The following EPHA10 variants were observed in gnomAD, a reference collection of about 807,000 sequenced individuals.
The protein encoded by EPHA10 is EPH receptor A10, also known as ephrin type-A receptor 10.
A neutral mutation model predicts 109.7 loss-of-function variants in EPHA10; 120 were observed. That is an observed-to-expected ratio of 1.09 (90% CI 0.94 to 1.27). The LOEUF (loss-of-function observed/expected upper bound fraction) is 1.27. Among genes scored for constraint, EPHA10 ranks in the 50% most tolerant of loss-of-function variants. The pLI, the probability that EPHA10 is intolerant of heterozygous loss-of-function variation, is 0.00. For missense variants in EPHA10, 1,396 were observed against 1,411.1 expected (o/e 0.99, Z 0.17); for synonymous variants, 640 against 618.9 (o/e 1.03, Z -0.51).
intron 5 of EPHA10, among the ~76,000 whole-genome samples, chr1:37,752,421 C>A (rs902335421): frequency 6.6e-6 from 1 of 152,046 alleles, no homozygotes; most frequent in East Asian, 1.9e-4. Flanking sequence ...CTTCCCGAGA[C>A]AGAGGGAAGG....
At chr1:37,722,904 G>T in intron 10 of EPHA10, 137 bp downstream of exon 10, 2 of 1,335,574 alleles carry the variant, frequency 1.5e-6, no homozygotes, top group East Asian at 2.3e-5. Flanking sequence ...TTGGTGTGGA[G>T]GCAGGGCTTC....
intron 5 of EPHA10, among the ~76,000 whole-genome samples, chr1:37,743,362 A>G (rs1236143288): frequency 6.6e-6 from 1 of 152,188 alleles, no homozygotes; most frequent in African/African-American, 2.4e-5. Flanking sequence ...AAACAGGTGG[A>G]GAAGAAAAAG....
At chr1:37,726,979 G>A in intron 8 of EPHA10, 123 bp downstream of exon 8, 1 of 665,314 alleles carries the variant, frequency 1.5e-6, no homozygotes. Context: ...CATTTGTACA[G>A]CAGTGTGCTT....
intron 5 of EPHA10, among the ~76,000 whole-genome samples, chr1:37,739,223 TAAA>T (rs746466604): frequency 9.9e-5 from 15 of 152,060 alleles, no homozygotes; most frequent in Non-Finnish European, 2.1e-4. Flanking sequence ...TATTAGTCCT[TAAA>T]AAGAAGAAAA....
chr1:37,741,387 G>A (rs1646150930), intron 5 of EPHA10, among the ~76,000 whole-genome samples: 2 of 152,186 alleles, frequency 1.3e-5, no homozygotes, highest in South Asian at 4.1e-4. Context: ...TAGTAATAAA[G>A]CAAGAAAGTG....
intron 6 of EPHA10, chr1:37,734,482 C>T (rs773299611): frequency 1.6e-5 from 6 of 370,566 alleles, no homozygotes; most frequent in South Asian, 8.7e-5. Flanking sequence ...TGCAGTGAGC[C>T]GAGATCATGT....
At position 37,757,817 on chromosome 1, in the gene EPHA10, A is replaced by G. The variant is rs74225609; in HGVS notation, c.851-3447T>C. ...AAAACAGACAAGGACCTTACTGTCC[A>G]TTTGTACAGATGCCCTCCCTCCCAC... On this transcript the variant is annotated intron_variant, in intron 3 of 16. Transcript: ENST00000373048. 2.6e-3 allele frequency among the ~76,000 whole-genome samples: 400 copies of G among 152,302 alleles called. 7 individuals are homozygous for G. The East Asian group carries it at 0.069, about 26-fold the overall frequency.
At chr1:37,732,648 C>G (rs1181121402) in intron 6 of EPHA10, among the ~76,000 whole-genome samples, 1 of 152,092 alleles carries the variant, frequency 6.6e-6, no homozygotes, top group African/African-American at 2.4e-5. Flanking sequence ...AGGAGCAAGG[C>G]TGCCTACCTG....
At chr1:37,753,636 C>A in intron 4 of EPHA10, among the ~76,000 whole-genome samples, 1 of 134,730 alleles carries the variant, frequency 7.4e-6, no homozygotes, top group Non-Finnish European at 1.6e-5. Flanking sequence ...GGCGGATGAG[C>A]CCGGGGCAAG....
At chr1:37,761,091 A>T in intron 3 of EPHA10, 2 of 1,015,650 alleles carry the variant, frequency 2.0e-6, no homozygotes, top group Non-Finnish European at 1.2e-6. Flanking sequence ...CCTTATTTTA[A>T]AAAAAAAAAA....
intron 5 of EPHA10, among the ~76,000 whole-genome samples, chr1:37,736,803 C>T (rs1029502568): frequency 2.0e-5 from 3 of 152,098 alleles, no homozygotes; most frequent in Non-Finnish European, 4.4e-5. Context: ...TTCTTATACA[C>T]AATGAACAAT....
Position 37,731,674 on chromosome 1 carries a change from C to T in EPHA10, c.1492-92G>A, listed in dbSNP as rs1035340609. ...AACAGGAACAGGGAGGCAGGAGAAGCGCCCTTACGTGAATGTGGGCTGAGT... is the reference window on the plus strand; with the variant it reads ...AACAGGAACAGGGAGGCAGGAGAAGTGCCCTTACGTGAATGTGGGCTGAGT... On this transcript the variant is annotated intron_variant, in intron 6 of 16. Coordinates refer to ENST00000373048, the MANE Select transcript of EPHA10 (RefSeq NM_001099439.2). 1.0e-4 allele frequency: 143 copies of T among 1,390,040 alleles called. 1 individual carries two copies. Among genetic ancestry groups the T allele is most frequent in the Admixed American group, 2.4e-4 (10 of 41,934 alleles). 86.1% of individuals were successfully genotyped at this position (1,390,040 alleles called of 1,614,324 possible).
At chr1:37,725,721 A>G (rs898730956) in intron 8 of EPHA10, among the ~76,000 whole-genome samples, 1 of 151,962 alleles carries the variant, frequency 6.6e-6, no homozygotes, top group East Asian at 1.9e-4. Flanking sequence ...GGTGGAGATG[A>G]AGGGGGGAAG....
In EPHA10 at chr1:37,717,996, T is replaced by G; in HGVS notation, c.*376A>C. On this transcript the variant is annotated 3_prime_UTR_variant, in exon 17 of 17. Coordinates refer to ENST00000373048, the MANE Select transcript of EPHA10 (RefSeq NM_001099439.2). ...TGGGAAAAGGGAACACCCCACGGGG[T>G]AGGCCCCAGCCCCCAGTGGGTACAA... 1 of 291,748 alleles carries G rather than the reference T, an allele frequency of 3.4e-6. No individual in the cohort carries two copies. The highest frequency in any genetic ancestry group is 6.5e-6 in the Non-Finnish European group (1 of 154,952). 18.1% of individuals were successfully genotyped at this position (291,748 alleles called of 1,614,324 possible). A position where few individuals can be genotyped will look rare whatever the true frequency, so the allele number is the denominator to read the frequency against.
intron 5 of EPHA10, among the ~76,000 whole-genome samples, chr1:37,751,875 A>G (rs538150537): frequency 6.6e-6 from 1 of 152,070 alleles, no homozygotes; most frequent in Non-Finnish European, 1.5e-5. Context: ...CTGTCTCAAA[A>G]AAAAAAAAAA....
rs752199599 is a variant in EPHA10 at position 37,761,723 on chromosome 1, G to C, written c.532C>G (p.Arg178Gly). The change falls in exon 3 of 17, where the codon CGC becomes GGC. Residue 178 changes from arginine to glycine, a missense_variant. Coordinates refer to ENST00000373048, the MANE Select transcript of EPHA10 (RefSeq NM_001099439.2). ...CGCCGGCTGAGCGGTCCGATCTCGCGCACCTCTGTGTTCAGCTTCATCTTG... is the reference window on the plus strand; with the variant it reads ...CGCCGGCTGAGCGGTCCGATCTCGCCCACCTCTGTGTTCAGCTTCATCTTG... ...ERKMKLNTEV[R>G]EIGPLSRRGF... 14 of 1,613,506 alleles carry C rather than the reference G, an allele frequency of 8.7e-6. No homozygotes were observed. The South Asian group carries it at 1.3e-4, about 15-fold the overall frequency.
intron 3 of EPHA10, among the ~76,000 whole-genome samples, chr1:37,759,047 G>A (rs1354886496): frequency 6.6e-6 from 1 of 152,144 alleles, no homozygotes; most frequent in African/African-American, 2.4e-5. Context: ...TTCAGCCCTT[G>A]TGCTCTTTCT....
In EPHA10 at chr1:37,721,653, G is replaced by T; in HGVS notation, c.2146+7C>A. 1 of 1,599,062 alleles carries T rather than the reference G, an allele frequency of 6.3e-7. No homozygotes were observed. Among genetic ancestry groups the T allele is most frequent in the South Asian group, 1.1e-5 (1 of 89,888 alleles). ...CTGGGCAGCAGGAAGGGAGCACCGG[G>T]CCCTACCTCGGGTAACAACGCCCTC... is the stretch of plus-strand genomic sequence containing the variant. On this transcript the variant is annotated splice_region_variant and intron_variant, in intron 11 of 16. Transcript: ENST00000373048.
At position 37,728,517 on chromosome 1, in the gene EPHA10, C is replaced by T. The variant is rs527977771; in HGVS notation, c.1664-1307G>A. On this transcript the variant is annotated intron_variant, in intron 7 of 16. Transcript: ENST00000373048. ...AAAGTACACCTCTTTAGGCAGCTTC[C>T]GCGTGGGACACAGGGAGGAGAAAGG... 5.3e-5 allele frequency among the ~76,000 whole-genome samples: 8 copies of T among 152,212 alleles called. No homozygotes were observed. In the South Asian group the frequency reaches 1.0e-3, roughly 20 times the overall value.
Sources: allele counts gnomAD v4.1 joint callset (sites outside exome capture counted in the v4.1 genomes callset), GRCh38; gene constraint gnomAD v4.1.1; transcripts MANE v1.5; gene names NCBI Gene and HGNC (gene_info 2026-07-23, HGNC 2026-07-21).